Variants in SMAD9 observed in about 807,000 individuals in gnomAD.
SMAD9 encodes MAD homolog 9.
A neutral mutation model predicts 46.1 loss-of-function variants in SMAD9; 36 were observed. The observed-to-expected ratio is 0.78, with a 90% CI of 0.60 to 1.03. SMAD9 has a LOEUF of 1.03. SMAD9 is among the 50% of genes least tolerant of loss of function. The pLI is 0.00. For synonymous variants in SMAD9, 245 were observed against 237.1 expected, an observed-to-expected ratio of 1.03 and a Z score of -0.31; for missense variants, 572 against 599.8, an observed-to-expected ratio of 0.95 and a Z score of 0.48.
rs143673376 is a variant in SMAD9, at chr13:36,878,437, C to T, written c.412+841G>A. On this transcript the variant is annotated intron_variant, in intron 2 of 6. Coordinates refer to ENST00000379826, the MANE Select transcript of SMAD9 (RefSeq NM_001127217.3). ...AGTAGCCTAGGAGCAATAGGCTACA[C>T]CATATAGCCTAACGGTGTAGCAGGC... Among the ~76,000 whole-genome samples the T allele has an allele frequency of 9.2e-5, 14 of 152,272 alleles. No homozygotes were observed. The East Asian group carries it at 2.7e-3, about 29-fold the overall frequency.
intron 1 of SMAD9, among the ~76,000 whole-genome samples, chr13:36,882,195 T>C (rs1009501914): frequency 5.3e-5 from 8 of 151,582 alleles, no homozygotes; most frequent in Non-Finnish European, 2.9e-5. Flanking sequence ...ATAATAATCA[T>C]TTCATGAAAA....
intron 1 of SMAD9, among the ~76,000 whole-genome samples, chr13:36,919,809 C>A (rs2058727824): frequency 6.6e-6 from 1 of 150,900 alleles, no homozygotes; most frequent in African/African-American, 2.4e-5. Context: ...GCAGTCCCCT[C>A]CGGCCCCGCG....
chr13:36,887,039 GGTTTT>G (rs1345956852), intron 1 of SMAD9, among the ~76,000 whole-genome samples: 1 of 123,766 alleles, frequency 8.1e-6, no homozygotes, highest in Non-Finnish European at 1.7e-5. Flanking sequence ...CCTTTGAATG[GGTTTT>G]TTTTTTTTTT....
At chr13:36,873,690 C>T (rs1269065072) in intron 2 of SMAD9, among the ~76,000 whole-genome samples, 1 of 152,074 alleles carries the variant, frequency 6.6e-6, no homozygotes, top group Non-Finnish European at 1.5e-5. Context: ...TGGTGAAACC[C>T]CGTCTCTATT....
At chr13:36,916,684 G>T (rs867979230) in intron 1 of SMAD9, among the ~76,000 whole-genome samples, 56 of 152,198 alleles carry the variant, frequency 3.7e-4, no homozygotes, top group African/African-American at 1.3e-3. Context: ...AGGATGGTCT[G>T]AGGGGAAGAA....
At chr13:36,895,579 T>C (rs1339936980) in intron 1 of SMAD9, among the ~76,000 whole-genome samples, 1 of 152,236 alleles carries the variant, frequency 6.6e-6, no homozygotes. Flanking sequence ...GCATAAATCC[T>C]GATTCTGCTC....
At chr13:36,901,046 A>G (rs886459388) in intron 1 of SMAD9, among the ~76,000 whole-genome samples, 9 of 152,202 alleles carry the variant, frequency 5.9e-5, no homozygotes, top group Admixed American at 3.3e-4. Flanking sequence ...GATGAATCAT[A>G]TATGTGTGTG....
intron 1 of SMAD9, among the ~76,000 whole-genome samples, chr13:36,887,366 G>A (rs561487195): frequency 1.3e-5 from 2 of 151,752 alleles, no homozygotes; most frequent in Non-Finnish European, 2.9e-5. Flanking sequence ...GGGATTACAG[G>A]TGTACACCAC....
At chr13:36,891,689 T>C (rs1475589227) in intron 1 of SMAD9, among the ~76,000 whole-genome samples, 2 of 152,312 alleles carry the variant, frequency 1.3e-5, no homozygotes, top group Non-Finnish European at 1.5e-5. Flanking sequence ...CAGAGCTGGA[T>C]GGATCCTAGG....
chr13:36,865,750 G>T lies in SMAD9; in HGVS notation c.790C>A (p.Pro264Thr), dbSNP rs1158338885. ...VLSIPNGDFR[P>T]VCYEEPQHWC... is the part of the protein sequence containing the mutation. ...TGCTGGGGCTCCTCGTAACAAACTG[G>T]TCGAAAGTCTGGAAGAAAACAAACC... is the stretch of plus-strand genomic sequence containing the variant. Residue 264 changes from proline (P) to threonine (T), a missense_variant, in exon 5 of 7, where the codon CCA becomes ACA. By Grantham distance (38) the Pro-to-Thr change is conservative (BLOSUM62 -1). Transcript: ENST00000379826. 1.2e-6 allele frequency: 2 copies of T among 1,613,816 alleles called. No individual in the cohort carries two copies. The highest frequency in any genetic ancestry group is 1.7e-6 in the Non-Finnish European group (2 of 1,179,842).
chr13:36,866,536 G>A (rs1389154844), intron 4 of SMAD9, among the ~76,000 whole-genome samples: 1 of 151,978 alleles, frequency 6.6e-6, no homozygotes, highest in Admixed American at 6.6e-5. Flanking sequence ...GAACATCCTT[G>A]TCATTCTTGC....
intron 1 of SMAD9, among the ~76,000 whole-genome samples, chr13:36,911,107 T>A (rs541728844): frequency 1.3e-5 from 2 of 152,082 alleles, no homozygotes; most frequent in Non-Finnish European, 2.9e-5. Context: ...CCAGGCTCAA[T>A]AGATCCTCCC....
chr13:36,917,400 T>A (rs1434999157), intron 1 of SMAD9, among the ~76,000 whole-genome samples: 15 of 31,604 alleles, frequency 4.7e-4, no homozygotes, highest in Non-Finnish European at 9.9e-4. Flanking sequence ...ACTGTTTGCA[T>A]TTTTTTTTTT....
At chr13:36,849,339 G>A (rs2058056598) in intron 6 of SMAD9, 1 of 151,492 alleles carries the variant, frequency 6.6e-6, no homozygotes, top group African/African-American at 2.5e-5. Flanking sequence ...TCAAAGGAGA[G>A]ACAGTTAAAA....
At position 36,879,308 on chromosome 13, in the gene SMAD9, G is replaced by A; in HGVS notation, c.382C>T (p.Pro128Ser). The A allele has an allele frequency of 1.9e-6, 3 of 1,614,112 alleles. No homozygotes were observed. Among genetic ancestry groups the A allele is most frequent in the East Asian group, 4.5e-5 (2 of 44,878 alleles). Residue 128 changes from proline to serine, a missense_variant, in exon 2 of 7, where the codon CCT becomes TCT. Pro to Ser is a moderately conservative substitution (Grantham distance 74). Coordinates refer to ENST00000379826, the MANE Select transcript of SMAD9 (RefSeq NM_001127217.3). ...GTCTCCACCCGGCGGTAGTGGTAAG[G>A]GTTAATGCACACTTCTTTCTGCTTG... Reference protein sequence around the residue: ...GSKQKEVCINPYHYRRVETPV... With the variant: ...GSKQKEVCINSYHYRRVETPV...
Position 36,867,325 on chromosome 13 carries a change from T to C in SMAD9, c.729A>G (p.Gln243=), listed in dbSNP as rs1274834551. 1 of 1,551,420 alleles carries C rather than the reference T, an allele frequency of 6.4e-7. No individual in the cohort carries two copies. The highest frequency in any genetic ancestry group is 8.7e-7 in the Non-Finnish European group (1 of 1,146,796). Residue 243 remains glutamine, a synonymous_variant, in exon 4 of 7, where the codon CAA becomes CAG. Coordinates refer to ENST00000379826, the MANE Select transcript of SMAD9 (RefSeq NM_001127217.3). ...GTCTATCAGCTGTGGCATCTACAGG[T>C]TGGCCACTCTGGGTCTCAGAGGCTT... ...ATEASETQSG[Q]PVDATADRHV... is the part of the protein sequence containing the mutation.
At chr13:36,912,319 A>C (rs2058668074) in intron 1 of SMAD9, among the ~76,000 whole-genome samples, 1 of 152,198 alleles carries the variant, frequency 6.6e-6, no homozygotes, top group African/African-American at 2.4e-5. Context: ...TTGAAAACCC[A>C]ACATATTTAG....
chr13:36,860,186 A>G (rs917417451), intron 5 of SMAD9, among the ~76,000 whole-genome samples: 4 of 152,156 alleles, frequency 2.6e-5, no homozygotes, highest in Non-Finnish European at 4.4e-5. Flanking sequence ...ACATCTCTGC[A>G]AGGAGCTGAC....
Position 36,848,661 on chromosome 13 carries a change from C to T in SMAD9, c.*15G>A. 1.2e-6 allele frequency: 2 copies of T among 1,613,808 alleles called. No individual in the cohort carries two copies. The highest frequency in any genetic ancestry group is 1.7e-6 in the Non-Finnish European group (2 of 1,179,642). On this transcript the variant is annotated 3_prime_UTR_variant, in exon 7 of 7. Transcript: ENST00000379826. ...TAGCCTCTATCCTATGGAAATGCAG[C>T]TTAAGACATGACTGTTAAGACACTG...
Sources: allele counts gnomAD v4.1 joint callset (sites outside exome capture counted in the v4.1 genomes callset), GRCh38; gene constraint gnomAD v4.1.1; transcripts MANE v1.5; gene names NCBI Gene and HGNC (gene_info 2026-07-23, HGNC 2026-07-21).